SERPINA11: variants seen among roughly 807,000 people sequenced by gnomAD.
The protein encoded by SERPINA11 is serpin A11.
Under a neutral mutation model 29.4 loss-of-function variants are expected in SERPINA11, and 28 were observed. The observed-to-expected ratio is 0.95, with a 90% confidence interval of 0.70 to 1.30. The LOEUF (loss-of-function observed/expected upper bound fraction) is 1.30. Among genes scored for constraint, SERPINA11 ranks in the 50% most tolerant of loss-of-function variants. The pLI is 0.00. For missense variants in SERPINA11, 530 were observed against 507.3 expected (o/e 1.04, Z -0.43); for synonymous variants, 253 against 206.6 (o/e 1.22, Z -1.92).
Position 94,442,566 on chromosome 14 carries a change from T to C in SERPINA11, c.*40A>G. The C allele has an allele frequency of 6.7e-7, 1 of 1,487,164 alleles. No homozygotes were observed. Among genetic ancestry groups the C allele is most frequent in the Non-Finnish European group, 9.2e-7 (1 of 1,084,892 alleles). The allele number at this position is 1,487,164 out of a possible 1,614,324, so 92.1% of individuals were successfully genotyped here. On this transcript the variant is annotated 3_prime_UTR_variant, in exon 5 of 5. Coordinates refer to ENST00000334708, the MANE Select transcript of SERPINA11 (RefSeq NM_001080451.2). Reference sequence around the variant, plus strand: ...GGCTGGTTCTGGCCTATCTGTTTGGTCCAGGATGAGATAAGATAACTCCTG... The same window carrying C: ...GGCTGGTTCTGGCCTATCTGTTTGGCCCAGGATGAGATAAGATAACTCCTG...
rs763903318 is a variant in SERPINA11 at position 94,442,671 on chromosome 14, G to T, written c.1204C>A (p.Leu402Ile). 42 of 1,612,858 alleles carry T rather than the reference G, an allele frequency of 2.6e-5. No individual in the cohort carries two copies. The highest frequency in any genetic ancestry group is 3.4e-5 in the Non-Finnish European group (40 of 1,179,564). ...AHFNRPFLLL[L>I]WEVTTQSLLF... is the part of the protein sequence containing the mutation. ...AAGCTCTGGGTGGTGACCTCCCAAA[G>T]GAGCAAGAGGAAAGGCCTGTTGAAG... is the stretch of plus-strand genomic sequence containing the variant. The change falls in exon 5 of 5, where the codon CTT becomes ATT. Residue 402 changes from leucine to isoleucine, a missense_variant. Physicochemically the swap from Leu to Ile is conservative, Grantham distance 5. Coordinates refer to ENST00000334708, the MANE Select transcript of SERPINA11 (RefSeq NM_001080451.2).
At chr14:94,450,761 C>T in intron 1 of SERPINA11, among the ~76,000 whole-genome samples, 1 of 152,186 alleles carries the variant, frequency 6.6e-6, no homozygotes, top group East Asian at 1.9e-4. Context: ...AGCAGGAAGA[C>T]CCCTTGTTTT....
At chr14:94,449,465 C>CT (rs766309359) in intron 1 of SERPINA11, among the ~76,000 whole-genome samples, 2,277 of 110,602 alleles carry the variant, frequency 0.021, 233 homozygotes, top group African/African-American at 0.12. Context: ...TTCTTTCTTT[C>CT]TTTCTTTCTT....
In SERPINA11 at chr14:94,449,405, TATTCTTTCTTTCTTTCTTTC is replaced by T. The variant is rs1212435125; in HGVS notation, c.-3-648_-3-629del. Among the ~76,000 whole-genome samples, 26 of 55,270 alleles carry T rather than the reference TATTCTTTCTTTCTTTCTTTC, an allele frequency of 4.7e-4. 2 individuals are homozygous for T. Among genetic ancestry groups the T allele is most frequent in the African/African-American group, 1.2e-3 (23 of 18,976 alleles). 36.3% of individuals were successfully genotyped at this position (55,270 alleles called of 152,430 possible). A position where few individuals can be genotyped will look rare whatever the true frequency, so the allele number is the denominator to read the frequency against. On this transcript the variant is annotated intron_variant, in intron 1 of 4. Coordinates refer to ENST00000334708, the MANE Select transcript of SERPINA11 (RefSeq NM_001080451.2). ...GCCTCCCTCCCTCTTTCTTTCTTTC[TATTCTTTCTTTCTTTCTTTC>T]TTTCTTTCTTTCTTTCTTTCTTTCT...
chr14:94,447,520 C>G (rs958618347), intron 2 of SERPINA11, among the ~76,000 whole-genome samples: 1 of 152,204 alleles, frequency 6.6e-6, no homozygotes, highest in Non-Finnish European at 1.5e-5. Context: ...CAAATTGTAG[C>G]CAGTTTGAGC....
chr14:94,449,390 C>T (rs934976910), intron 1 of SERPINA11, among the ~76,000 whole-genome samples: 1 of 97,112 alleles, frequency 1.0e-5, no homozygotes, highest in African/African-American at 5.6e-5. Flanking sequence ...GCCTCCCTCC[C>T]TCTTTCTTTC....
At chr14:94,451,329 T>A (rs1898582126) in intron 1 of SERPINA11, among the ~76,000 whole-genome samples, 1 of 152,234 alleles carries the variant, frequency 6.6e-6, no homozygotes, top group South Asian at 2.1e-4. Flanking sequence ...CCCCCAAGGC[T>A]ACGTCCTCCC....
intron 2 of SERPINA11, among the ~76,000 whole-genome samples, chr14:94,447,569 A>G (rs919013536): frequency 7.9e-5 from 12 of 152,148 alleles, no homozygotes; most frequent in Admixed American, 2.0e-4. Context: ...TCACATTTAA[A>G]AGTCTTCGGC....
intron 1 of SERPINA11, 100 bp from the exon 2 acceptor site, chr14:94,448,877 G>C: frequency 2.6e-6 from 3 of 1,145,166 alleles, no homozygotes; most frequent in Non-Finnish European, 3.6e-6. Context: ...GTGCCCCACA[G>C]GGCTGCCATG....
intron 4 of SERPINA11, 48 bp downstream of exon 4, chr14:94,443,030 T>G (rs1898372431): frequency 1.3e-6 from 2 of 1,571,780 alleles, no homozygotes; most frequent in Non-Finnish European, 1.7e-6. Flanking sequence ...AGGAGAAACC[T>G]CCTACCTACC....
chr14:94,446,579 G>C lies in SERPINA11; in HGVS notation c.669C>G (p.Arg223=). ...FKAKWKHPFS[R]YQTQKQESFF... ...AACTTTCCTGCTTCTGGGTCTGGTA[G>C]CGACTGAAAGGGTGCTTCCACTTGG... The change falls in exon 3 of 5, where the codon CGC becomes CGG. Residue 223 remains arginine, a synonymous_variant. Coordinates refer to ENST00000334708, the MANE Select transcript of SERPINA11 (RefSeq NM_001080451.2). The C allele has an allele frequency of 6.2e-7, 1 of 1,614,092 alleles. No individual in the cohort carries two copies. Among genetic ancestry groups the C allele is most frequent in the South Asian group, 1.1e-5 (1 of 91,046 alleles).
intron 3 of SERPINA11, among the ~76,000 whole-genome samples, chr14:94,443,647 G>C (rs921794901): frequency 1.3e-5 from 2 of 152,174 alleles, no homozygotes; most frequent in African/African-American, 4.8e-5. Context: ...TTCTGAACTA[G>C]GTCCTAAATC....
At chr14:94,446,883 T>C (rs955750984) in intron 2 of SERPINA11, among the ~76,000 whole-genome samples, 6 of 152,268 alleles carry the variant, frequency 3.9e-5, no homozygotes, top group African/African-American at 1.2e-4. Flanking sequence ...ACCTTCCATG[T>C]GTTAGACATT....
At chr14:94,443,050 C>G (rs1898373015) in intron 4 of SERPINA11, 28 bp downstream of exon 4, 4 of 1,591,868 alleles carry the variant, frequency 2.5e-6, no homozygotes, top group Non-Finnish European at 3.4e-6. Context: ...CCCCACCTGC[C>G]CACAAACATC....
intron 2 of SERPINA11, among the ~76,000 whole-genome samples, chr14:94,446,899 T>G (rs17090888): frequency 1.3e-5 from 2 of 152,194 alleles, no homozygotes; most frequent in African/African-American, 4.8e-5. Flanking sequence ...ACATTATCTC[T>G]TTAAATTGTC....
At position 94,442,579 on chromosome 14, in the gene SERPINA11, A is replaced by G. The variant is rs1898361298; in HGVS notation, c.*27T>C. 1.3e-6 allele frequency: 2 copies of G among 1,551,884 alleles called. No individual in the cohort carries two copies. The highest frequency in any genetic ancestry group is 1.8e-6 in the Non-Finnish European group (2 of 1,136,220). On this transcript the variant is annotated 3_prime_UTR_variant, in exon 5 of 5. Transcript: ENST00000334708. ...CTATCTGTTTGGTCCAGGATGAGATAAGATAACTCCTGGCCTCCCACCATG... is the reference window on the plus strand; with the variant it reads ...CTATCTGTTTGGTCCAGGATGAGATGAGATAACTCCTGGCCTCCCACCATG...
chr14:94,449,695 A>G (rs1898552230), intron 1 of SERPINA11, among the ~76,000 whole-genome samples: 1 of 151,270 alleles, frequency 6.6e-6, no homozygotes, highest in Non-Finnish European at 1.5e-5. Flanking sequence ...GGTCCTCAGT[A>G]TTTAGTGGGG....
rs191457285 is a variant in SERPINA11, at chr14:94,444,813, T to C, written c.917+1518A>G. On this transcript the variant is annotated intron_variant, in intron 3 of 4. Transcript: ENST00000334708. ...CTCCCAGGTTGTGGTGGATTCAAGA[T>C]GACCGTCAAAAGGTGGCATCTATGC... Among the ~76,000 whole-genome samples, 432 of 152,250 alleles carry C rather than the reference T, an allele frequency of 2.8e-3. 4 individuals carry two copies. Among genetic ancestry groups the C allele is most frequent in the African/African-American group, 9.8e-3 (406 of 41,552 alleles).
chr14:94,446,516 C>G lies in SERPINA11; in HGVS notation c.732G>C (p.Met244Ile), dbSNP rs1326357776. The change falls in exon 3 of 5, where the codon ATG (methionine) becomes ATC (isoleucine). Residue 244 changes from methionine to isoleucine, a missense_variant. By Grantham distance (10) the Met-to-Ile change is conservative. Coordinates refer to ENST00000334708, the MANE Select transcript of SERPINA11 (RefSeq NM_001080451.2). ...ATCTGTGCATTTCCTTTTGGTGCAT[C>G]ATGGGGACCTGGAGAGAAGTCCTCT... is the stretch of plus-strand genomic sequence containing the variant. ...VDERTSLQVPMMHQKEMHRFL... is the reference protein window; with the variant it reads ...VDERTSLQVPIMHQKEMHRFL... The G allele has an allele frequency of 6.2e-7, 1 of 1,614,098 alleles. No homozygotes were observed. Among genetic ancestry groups the G allele is most frequent in the Non-Finnish European group, 8.5e-7 (1 of 1,180,048 alleles).
Sources: gnomAD v4.1 joint callset for allele counts (sites outside exome capture counted in the v4.1 genomes callset) on GRCh38, gnomAD v4.1.1 for gene constraint, MANE v1.5 for transcripts, NCBI Gene and HGNC (gene_info 2026-07-23, HGNC 2026-07-21) for gene names.